Variants in ARHGAP8 observed in about 807,000 individuals in gnomAD.
ARHGAP8 encodes the protein Rho GTPase activating protein 8.
ARHGAP8 carries 62 observed loss-of-function variants against 46.1 expected under a neutral mutation model. That is an observed-to-expected ratio of 1.34 (90% confidence interval 1.10 to 1.66). The LOEUF (loss-of-function observed/expected upper bound fraction) is 1.66. Ranked by LOEUF, ARHGAP8 falls within the 40% of genes most tolerant of loss-of-function variation. The pLI is 0.00. For synonymous variants in ARHGAP8, 375 were observed against 243.1 expected (o/e 1.54, Z -5.05); for missense variants, 923 against 568.4 (o/e 1.62, Z -6.34).
At chr22:44,827,144 G>A (rs987401014) in intron 7 of ARHGAP8, among the ~76,000 whole-genome samples, 1 of 152,052 alleles carries the variant, frequency 6.6e-6, no homozygotes, top group African/African-American at 2.4e-5. Flanking sequence ...GAGTCAGAGA[G>A]GAGATGTGGC....
chr22:44,802,203 C>A (rs1374869823), intron 3 of ARHGAP8, 39 bp downstream of exon 3: 1 of 1,610,336 alleles, frequency 6.2e-7, no homozygotes, highest in Non-Finnish European at 8.5e-7. Flanking sequence ...CCCTGTCTCT[C>A]CATGTTGCTT....
At chr22:44,837,180 C>T (rs1931344654) in intron 7 of ARHGAP8, among the ~76,000 whole-genome samples, 1 of 152,222 alleles carries the variant, frequency 6.6e-6, no homozygotes, top group South Asian at 2.1e-4. Flanking sequence ...CCACTGCACC[C>T]AGCCCCTACT....
chr22:44,817,082 C>T (rs1323823026), intron 5 of ARHGAP8, among the ~76,000 whole-genome samples: 1 of 152,248 alleles, frequency 6.6e-6, no homozygotes, highest in South Asian at 2.1e-4. Flanking sequence ...GACGGGGTTT[C>T]ACCATGTTGG....
At chr22:44,814,981 C>T (rs1929631797) in intron 5 of ARHGAP8, among the ~76,000 whole-genome samples, 1 of 152,144 alleles carries the variant, frequency 6.6e-6, no homozygotes, top group Non-Finnish European at 1.5e-5. Flanking sequence ...GGGTTTGCAC[C>T]TGGTGTTTAA....
chr22:44,851,755 C>G lies in ARHGAP8; in HGVS notation c.877+2695C>G, dbSNP rs183416960. Among the ~76,000 whole-genome samples the G allele has an allele frequency of 2.7e-3, 404 of 151,780 alleles. 1 individual carries two copies. The highest frequency in any genetic ancestry group is 7.7e-3 in the Admixed American group (117 of 15,220). On this transcript the variant is annotated intron_variant, in intron 10 of 11. Coordinates refer to ENST00000356099, the MANE Select transcript of ARHGAP8 (RefSeq NM_181335.3). ...CTCAGGAGGCTGAGGTGGGAGATCA[C>G]CTGAGCCTGGGAGTTGGAGGCTACA...
chr22:44,782,906 G>A (rs968087702), intron 1 of ARHGAP8, among the ~76,000 whole-genome samples: 2 of 152,108 alleles, frequency 1.3e-5, no homozygotes, highest in African/African-American at 2.4e-5. Flanking sequence ...TGTTTTCCAC[G>A]GCACGCTTTA....
rs140257857 is a variant in ARHGAP8, at chr22:44,825,580, G to A, written c.583G>A (p.Val195Ile). Residue 195 changes from valine to isoleucine, a missense_variant, in exon 7 of 12, where the codon GTC (valine) becomes ATC (isoleucine). Coordinates refer to ENST00000356099, the MANE Select transcript of ARHGAP8 (RefSeq NM_181335.3). ...CCCGCTGCCCACACAGCAGTTTGGC[G>A]TCAGTCTGCAATAGTAAGTGAGCCG... ...RPPLPTQQFG[V>I]SLQYLKDKNQ... 95 of 1,612,978 alleles carry A rather than the reference G, an allele frequency of 5.9e-5. No individual in the cohort carries two copies. In the African/African-American group the frequency reaches 6.8e-4, roughly 12 times the overall value.
intron 1 of ARHGAP8, among the ~76,000 whole-genome samples, chr22:44,781,014 T>A (rs6007288): frequency 0.074 from 11,210 of 152,116 alleles, 864 homozygotes; most frequent in African/African-American, 0.2. Flanking sequence ...ATCCCCTGGG[T>A]TCCACAGACT....
In ARHGAP8 at chr22:44,826,474, G is replaced by C. The variant is rs114690563; in HGVS notation, c.596+881G>C. Reference sequence around the variant, plus strand: ...GAGTCTTGCTCTGCTTCTCAGGCAGGAGTGCAGTGGCACCATCTCAGCTCA... The same window carrying C: ...GAGTCTTGCTCTGCTTCTCAGGCAGCAGTGCAGTGGCACCATCTCAGCTCA... On this transcript the variant is annotated intron_variant, in intron 7 of 11. Transcript: ENST00000356099. 8.8e-3 allele frequency among the ~76,000 whole-genome samples: 1,339 copies of C among 152,206 alleles called. 22 individuals are homozygous for C. The highest frequency in any genetic ancestry group is 0.03 in the African/African-American group (1,255 of 41,520).
At chr22:44,846,663 C>T (rs531052194) in intron 8 of ARHGAP8, among the ~76,000 whole-genome samples, 10 of 152,310 alleles carry the variant, frequency 6.6e-5, no homozygotes, top group South Asian at 6.2e-4. Flanking sequence ...CTCTCCAATT[C>T]TGCCCCTCTC....
intron 1 of ARHGAP8, among the ~76,000 whole-genome samples, chr22:44,759,212 G>A (rs1015878255): frequency 1.3e-5 from 2 of 152,180 alleles, no homozygotes; most frequent in Admixed American, 6.5e-5. Context: ...CCCCAGCCCC[G>A]GGTTGGCTGA....
At chr22:44,825,270 T>A (rs1173453005) in intron 6 of ARHGAP8, among the ~76,000 whole-genome samples, 1 of 152,020 alleles carries the variant, frequency 6.6e-6, no homozygotes, top group Non-Finnish European at 1.5e-5. Flanking sequence ...TGCTGGAGGT[T>A]GGACTACTGC....
chr22:44,837,085 A>G (rs2269536), intron 7 of ARHGAP8, among the ~76,000 whole-genome samples: 19,276 of 152,144 alleles, frequency 0.13, 1,576 homozygotes, highest in East Asian at 0.32. Context: ...GGGTTTCACC[A>G]TGTTGGCTAG....
At chr22:44,787,047 A>AAAAAAAAAAAAAAAC (rs796358176) in intron 2 of ARHGAP8, among the ~76,000 whole-genome samples, 1 of 145,484 alleles carries the variant, frequency 6.9e-6, no homozygotes, top group Admixed American at 7.1e-5. Context: ...CAAAAAAAAA[A>AAAAAAAAAAAAAAAC]AAAAGAAAGA....
intron 5 of ARHGAP8, among the ~76,000 whole-genome samples, chr22:44,820,234 A>C (rs1467226516): frequency 6.6e-6 from 1 of 152,136 alleles, no homozygotes; most frequent in Non-Finnish European, 1.5e-5. Context: ...GGCAAGTGGC[A>C]GGGCCCTGGC....
chr22:44,828,540 C>G (rs1277442797), intron 7 of ARHGAP8, among the ~76,000 whole-genome samples: 1 of 151,642 alleles, frequency 6.6e-6, no homozygotes, highest in Non-Finnish European at 1.5e-5. Flanking sequence ...ACCTCCGCCT[C>G]CCGGGTTTAA....
At chr22:44,755,234 C>A (rs912064690) in intron 1 of ARHGAP8, among the ~76,000 whole-genome samples, 1 of 152,190 alleles carries the variant, frequency 6.6e-6, no homozygotes, top group African/African-American at 2.4e-5. Flanking sequence ...TACAGTGTTC[C>A]CCGTGTCCCC....
intron 1 of ARHGAP8, among the ~76,000 whole-genome samples, chr22:44,765,001 G>A (rs987131385): frequency 6.6e-6 from 1 of 152,192 alleles, no homozygotes; most frequent in Non-Finnish European, 1.5e-5. Context: ...TGGTTTTTGA[G>A]GTAGGGGAAG....
chr22:44,763,443 G>T (rs1925296699), intron 1 of ARHGAP8, among the ~76,000 whole-genome samples: 1 of 132,100 alleles, frequency 7.6e-6, no homozygotes, highest in Non-Finnish European at 1.5e-5. Flanking sequence ...GTTGCACCGA[G>T]ATCACGCCAC....
Sources: allele counts gnomAD v4.1 joint callset (sites outside exome capture counted in the v4.1 genomes callset), GRCh38; gene constraint gnomAD v4.1.1; transcripts MANE v1.5; gene names NCBI Gene and HGNC (gene_info 2026-07-23, HGNC 2026-07-21).